PLIN3: variants seen among roughly 807,000 people sequenced by gnomAD.
The protein encoded by PLIN3 is perilipin 3.
PLIN3 carries 30 observed loss-of-function variants against 35.9 expected under a neutral mutation model. The observed-to-expected ratio is 0.84, with a 90% CI of 0.62 to 1.13. The LOEUF (loss-of-function observed/expected upper bound fraction) is 1.13. Among genes scored for constraint, PLIN3 ranks in the 50% most tolerant of loss-of-function variants. The pLI is 0.00. For missense variants in PLIN3, 603 were observed against 596.9 expected, an observed-to-expected ratio of 1.01 and a Z score of -0.11; for synonymous variants, 261 against 262.5, an observed-to-expected ratio of 0.99 and a Z score of 0.06.
intron 5 of PLIN3, among the ~76,000 whole-genome samples, chr19:4,850,917 G>A (rs986657908): frequency 1.3e-5 from 2 of 152,024 alleles, no homozygotes; most frequent in Non-Finnish European, 2.9e-5. Context: ...CCGCACTTTG[G>A]GGGGCTAAAG....
intron 7 of PLIN3, 75 bp from the exon 8 acceptor site, chr19:4,839,611 G>A: frequency 8.7e-7 from 1 of 1,142,862 alleles, no homozygotes; most frequent in Non-Finnish European, 1.2e-6. Flanking sequence ...GCCAGGGAAA[G>A]AGGGGAAGAG....
At chr19:4,864,098 A>AATATGTGT (rs1172963843) in intron 1 of PLIN3, among the ~76,000 whole-genome samples, 1 of 125,388 alleles carries the variant, frequency 8.0e-6, no homozygotes, top group East Asian at 2.3e-4. Context: ...ACACCTGGCT[A>AATATGTGT]GTGTGTGTGT....
chr19:4,866,695 T>C (rs753448180), intron 1 of PLIN3: 2 of 152,318 alleles, frequency 1.3e-5, no homozygotes, highest in Non-Finnish European at 2.9e-5. Context: ...TGAGCTCACC[T>C]GGGCAGGGGG....
rs899698325 is a variant in PLIN3 at position 4,842,197 on chromosome 19, C to T, written c.960+2471G>A. Among the ~76,000 whole-genome samples the T allele has an allele frequency of 3.3e-5, 5 of 151,666 alleles. No individual in the cohort carries two copies. The East Asian group carries it at 5.8e-4, about 18-fold the overall frequency. ...ATCCCAGCACTTTGGGGGGCCAAGA[C>T]GGGTGGATAACTTGAGGTTAGGAGT... On this transcript the variant is annotated intron_variant, in intron 7 of 7. Coordinates refer to ENST00000221957, the MANE Select transcript of PLIN3 (RefSeq NM_005817.5).
In PLIN3 at chr19:4,861,411, G is replaced by A. The variant is rs201642965; in HGVS notation, c.-17C>T. ...GGCAGACATGGTCTCTGCAGCAGAC[G>A]CTGAGGAGAGAGGAACAGTCAGGTA... On this transcript the variant is annotated splice_region_variant and 5_prime_UTR_variant, in exon 2 of 8. Coordinates refer to ENST00000221957, the MANE Select transcript of PLIN3 (RefSeq NM_005817.5). 1.6e-5 allele frequency: 26 copies of A among 1,608,210 alleles called. No homozygotes were observed. In the East Asian group the frequency reaches 3.6e-4, roughly 22 times the overall value.
rs549662348 is a variant in PLIN3 at position 4,862,375 on chromosome 19, G to A, written c.-17-964C>T. ...TCTTGATCTCCTGACCTCGTGATCC[G>A]CCCGCCTCGGCCTCCCAAAGTGCTG... is the stretch of plus-strand genomic sequence containing the variant. On this transcript the variant is annotated intron_variant, in intron 1 of 7. Coordinates refer to ENST00000221957, the MANE Select transcript of PLIN3 (RefSeq NM_005817.5). Among the ~76,000 whole-genome samples the A allele has an allele frequency of 9.7e-4, 147 of 151,560 alleles. 4 individuals are homozygous for A. In the South Asian group the frequency reaches 0.022, roughly 23 times the overall value.
chr19:4,844,619 AT>A, intron 7 of PLIN3, 48 bp downstream of exon 7: 1 of 1,551,880 alleles, frequency 6.4e-7, no homozygotes, highest in Non-Finnish European at 8.7e-7. Flanking sequence ...AGAGAGTGGC[AT>A]CGGGACTCCA....
chr19:4,866,747 C>G (rs2030871476), intron 1 of PLIN3: 3 of 152,376 alleles, frequency 2.0e-5, no homozygotes, highest in Non-Finnish European at 2.9e-5. Context: ...GACCGATTCT[C>G]AAGTCCCACT....
rs908443923 is a variant in PLIN3, at chr19:4,852,003, T to G, written c.634+13A>C. On this transcript the variant is annotated intron_variant, in intron 5 of 7. Coordinates refer to ENST00000221957, the MANE Select transcript of PLIN3 (RefSeq NM_005817.5). Reference sequence around the variant, plus strand: ...GGGGAGGGGTCCCAGAGCAGCCCGCTGGCCACACTTACCCAGTTCGGCATC... The same window carrying G: ...GGGGAGGGGTCCCAGAGCAGCCCGCGGGCCACACTTACCCAGTTCGGCATC... 3 of 1,607,804 alleles carry G rather than the reference T, an allele frequency of 1.9e-6. No individual in the cohort carries two copies. Among genetic ancestry groups the G allele is most frequent in the South Asian group, 1.1e-5 (1 of 90,880 alleles).
intron 4 of PLIN3, among the ~76,000 whole-genome samples, chr19:4,853,703 C>T (rs1439778927): frequency 6.6e-6 from 1 of 151,886 alleles, no homozygotes; most frequent in Non-Finnish European, 1.5e-5. Context: ...ATCCTTACTA[C>T]TCAAGAGGCT....
chr19:4,850,346 G>A (rs942381497), intron 5 of PLIN3, among the ~76,000 whole-genome samples: 5 of 151,140 alleles, frequency 3.3e-5, no homozygotes, highest in African/African-American at 7.3e-5. Context: ...GCCCAATCTT[G>A]GCTCACTGCA....
At chr19:4,846,723 A>G (rs550364833) in intron 6 of PLIN3, among the ~76,000 whole-genome samples, 10 of 152,178 alleles carry the variant, frequency 6.6e-5, no homozygotes, top group Admixed American at 5.3e-4. Context: ...ATTAGGACAC[A>G]GACATACACA....
chr19:4,842,011 A>G (rs1599156930), intron 7 of PLIN3, among the ~76,000 whole-genome samples: 2 of 151,874 alleles, frequency 1.3e-5, no homozygotes, highest in East Asian at 3.9e-4. Context: ...GTTGTAAACC[A>G]TCCGGGGAGA....
At chr19:4,861,629 T>C (rs1216410275) in intron 1 of PLIN3, among the ~76,000 whole-genome samples, 1 of 151,824 alleles carries the variant, frequency 6.6e-6, no homozygotes, top group Admixed American at 6.6e-5. Context: ...GCCCCCTATT[T>C]CTTTTTTTTT....
intron 6 of PLIN3, among the ~76,000 whole-genome samples, chr19:4,845,008 A>C (rs947384747): frequency 2.0e-5 from 3 of 152,144 alleles, no homozygotes; most frequent in African/African-American, 7.2e-5. Context: ...GGTGCAAAGA[A>C]GGGCTGCACA....
At position 4,847,811 on chromosome 19, in the gene PLIN3, A is replaced by G. The variant is rs746678024; in HGVS notation, c.714T>C (p.Arg238=). 1.2e-6 allele frequency: 2 copies of G among 1,613,908 alleles called. No homozygotes were observed. Among genetic ancestry groups the G allele is most frequent in the Non-Finnish European group, 1.7e-6 (2 of 1,179,984 alleles). ...QQRQEQSYFV[R]LGSLSERLRQ... is the part of the protein sequence containing the mutation. Reference sequence around the variant, plus strand: ...GCAGCCTCTCCGACAGGGAGCCCAGACGTACGAAGTAGCTCTGTTCCTGCC... The same window carrying G: ...GCAGCCTCTCCGACAGGGAGCCCAGGCGTACGAAGTAGCTCTGTTCCTGCC... Residue 238 remains arginine, a synonymous_variant, in exon 6 of 8, where the codon CGT becomes CGC. Coordinates refer to ENST00000221957, the MANE Select transcript of PLIN3 (RefSeq NM_005817.5).
intron 7 of PLIN3, among the ~76,000 whole-genome samples, chr19:4,843,011 A>G (rs1568372691): frequency 7.1e-6 from 1 of 141,552 alleles, no homozygotes; most frequent in Non-Finnish European, 1.5e-5. Context: ...ACCTGCGGTC[A>G]GGAGTTTGAG....
At chr19:4,842,243 A>G (rs988168794) in intron 7 of PLIN3, among the ~76,000 whole-genome samples, 1 of 152,004 alleles carries the variant, frequency 6.6e-6, no homozygotes, top group Non-Finnish European at 1.5e-5. Flanking sequence ...CCTGGCAAAC[A>G]TGACAGAACC....
intron 4 of PLIN3, among the ~76,000 whole-genome samples, chr19:4,859,349 C>A (rs2030587523): frequency 6.6e-6 from 1 of 152,104 alleles, no homozygotes; most frequent in Non-Finnish European, 1.5e-5. Flanking sequence ...TGGTGAAACC[C>A]CATCTCTACT....
Sources: allele counts gnomAD v4.1 joint callset (sites outside exome capture counted in the v4.1 genomes callset), GRCh38; gene constraint gnomAD v4.1.1; transcripts MANE v1.5; gene names NCBI Gene and HGNC (gene_info 2026-07-23, HGNC 2026-07-21).